Variants in PCSK5 observed in about 807,000 individuals in gnomAD.
PCSK5 encodes the protein proprotein convertase subtilisin/kexin type 5.
PCSK5 carries 129 observed loss-of-function variants against 233.2 expected under a neutral mutation model. That is an observed-to-expected ratio of 0.55 (90% confidence interval 0.48 to 0.64). The LOEUF (loss-of-function observed/expected upper bound fraction) is 0.64, where lower values mean the gene tolerates loss of function less well. PCSK5 is among the 30% of genes least tolerant of loss of function. The probability of loss-of-function intolerance (pLI) is 0.00; values close to 1 mark genes in which losing one functional copy is unlikely to be tolerated. For synonymous variants in PCSK5, 825 were observed against 879.2 expected, an observed-to-expected ratio of 0.94 and a Z score of 1.09; for missense variants, 2,076 against 2,430.1, an observed-to-expected ratio of 0.85 and a Z score of 3.06.
At position 76,239,459 on chromosome 9, in the gene PCSK5, C is replaced by T. The variant is rs528614332; in HGVS notation, c.3073+294C>T. ...CCTGTAATCCCAGCACTTTGGGAGG[C>T]TGAGGCAGGTGGATCACTTGAGGCC... On this transcript the variant is annotated intron_variant, in intron 23 of 37. Coordinates refer to ENST00000674117, the MANE Select transcript of PCSK5 (RefSeq NM_001372043.1). Among the ~76,000 whole-genome samples, 6 of 152,192 alleles carry T rather than the reference C, an allele frequency of 3.9e-5. No individual in the cohort carries two copies. The South Asian group carries it at 1.0e-3, about 26-fold the overall frequency.
intron 5 of PCSK5, among the ~76,000 whole-genome samples, chr9:76,038,370 A>C (rs927651901): frequency 6.6e-6 from 1 of 152,170 alleles, no homozygotes; most frequent in African/African-American, 2.4e-5. Context: ...GGACCCGTTC[A>C]TTTTAGTTTA....
chr9:76,278,513 C>G (rs1208535286), intron 24 of PCSK5, among the ~76,000 whole-genome samples: 1 of 151,914 alleles, frequency 6.6e-6, no homozygotes, highest in African/African-American at 2.4e-5. Flanking sequence ...ATGTCTAGAA[C>G]TCAGGACCTG....
intron 20 of PCSK5, among the ~76,000 whole-genome samples, chr9:76,190,430 T>G (rs1824315811): frequency 6.6e-6 from 1 of 152,136 alleles, no homozygotes; most frequent in African/African-American, 2.4e-5. Context: ...TAATTATTGT[T>G]GTATTTCTTT....
At chr9:76,111,498 AAG>A (rs989721059) in intron 9 of PCSK5, among the ~76,000 whole-genome samples, 1 of 152,228 alleles carries the variant, frequency 6.6e-6, no homozygotes, top group Non-Finnish European at 1.5e-5. Flanking sequence ...TTAATCTTAA[AAG>A]AGAGGGGAGA....
chr9:75,949,350 G>GT (rs1293989118), intron 2 of PCSK5, among the ~76,000 whole-genome samples: 1 of 151,696 alleles, frequency 6.6e-6, no homozygotes, highest in African/African-American at 2.4e-5. Flanking sequence ...GATTTAAGGT[G>GT]TAAGGACTGA....
At chr9:76,064,199 C>A (rs1830165843) in intron 5 of PCSK5, among the ~76,000 whole-genome samples, 1 of 120,552 alleles carries the variant, frequency 8.3e-6, no homozygotes, top group Non-Finnish European at 1.7e-5. Flanking sequence ...CCCCCCACCT[C>A]CCTCCCGGAC....
At chr9:76,021,478 G>A (rs1045050652) in intron 3 of PCSK5, among the ~76,000 whole-genome samples, 1 of 152,102 alleles carries the variant, frequency 6.6e-6, no homozygotes, top group Admixed American at 6.6e-5. Context: ...AAGGCACGAG[G>A]GAGAGAGAAT....
chr9:75,950,366 AC>A (rs1375181861), intron 2 of PCSK5, among the ~76,000 whole-genome samples: 1 of 152,126 alleles, frequency 6.6e-6, no homozygotes, highest in Admixed American at 6.5e-5. Flanking sequence ...ATTGAACCTC[AC>A]ATTTTTTCAA....
At chr9:76,212,521 T>C (rs751534026) in intron 20 of PCSK5, among the ~76,000 whole-genome samples, 20 of 152,230 alleles carry the variant, frequency 1.3e-4, no homozygotes, top group Non-Finnish European at 2.1e-4. Flanking sequence ...AAACGCACAG[T>C]GCTACGCCAG....
intron 30 of PCSK5, among the ~76,000 whole-genome samples, chr9:76,320,725 C>A (rs1281923160): frequency 6.6e-6 from 1 of 151,898 alleles, no homozygotes; most frequent in Non-Finnish European, 1.5e-5. Context: ...CCACCCACCT[C>A]AGCCTCCCAG....
At chr9:76,009,707 T>C (rs1035231920) in intron 3 of PCSK5, among the ~76,000 whole-genome samples, 3 of 151,940 alleles carry the variant, frequency 2.0e-5, no homozygotes, top group African/African-American at 4.8e-5. Flanking sequence ...TATTTATATA[T>C]GAGAGATCAT....
intron 29 of PCSK5, among the ~76,000 whole-genome samples, 166 bp downstream of exon 29, chr9:76,308,894 C>G (rs1828782809): frequency 6.6e-6 from 1 of 152,062 alleles, no homozygotes; most frequent in Non-Finnish European, 1.5e-5. Flanking sequence ...CAAACATTGA[C>G]CAATAATAAA....
At position 76,070,059 on chromosome 9, in the gene PCSK5, G is replaced by T. The variant is rs140650865; in HGVS notation, c.722-1667G>T. ...TCTGTCACCCAGGCTGGAGTGCAGT[G>T]GCATGATCTCGGCTCACTGCAAGCT... On this transcript the variant is annotated intron_variant, in intron 6 of 37. Coordinates refer to ENST00000674117, the MANE Select transcript of PCSK5 (RefSeq NM_001372043.1). Among the ~76,000 whole-genome samples the T allele has an allele frequency of 7.0e-3, 1,043 of 148,146 alleles. 10 individuals carry two copies. The highest frequency in any genetic ancestry group is 0.024 in the African/African-American group (968 of 39,976).
At position 76,159,106 on chromosome 9, in the gene PCSK5, G is replaced by A; in HGVS notation, c.1554G>A (p.Arg518=). ...VVVRITITHP[R]RGDLAIYLTS... ...TGCGCATCACCATCACCCACCCCAG[G>A]AGAGGAGACCTGGCCATCTACCTGA... The change falls in exon 12 of 38, where the codon AGG becomes AGA. Residue 518 remains arginine, a synonymous_variant. Coordinates refer to ENST00000674117, the MANE Select transcript of PCSK5 (RefSeq NM_001372043.1). 1.2e-6 allele frequency: 2 copies of A among 1,614,142 alleles called. No homozygotes were observed. Among genetic ancestry groups the A allele is most frequent in the Non-Finnish European group, 1.7e-6 (2 of 1,180,012 alleles).
intron 7 of PCSK5, among the ~76,000 whole-genome samples, chr9:76,088,208 C>T (rs1223502835): frequency 6.6e-6 from 1 of 152,212 alleles, no homozygotes; most frequent in African/African-American, 2.4e-5. Flanking sequence ...AGGAACTGGG[C>T]TGCTGGAAGT....
intron 20 of PCSK5, among the ~76,000 whole-genome samples, chr9:76,205,862 G>A (rs1004902221): frequency 1.3e-4 from 20 of 152,240 alleles, no homozygotes; most frequent in African/African-American, 4.6e-4. Flanking sequence ...CCTCTACCAA[G>A]AGGACATACA....
chr9:76,347,391 C>G (rs1337689743), intron 35 of PCSK5, among the ~76,000 whole-genome samples: 1 of 152,160 alleles, frequency 6.6e-6, no homozygotes, highest in East Asian at 1.9e-4. Context: ...GGGTGTTAAA[C>G]TTTAAAATAA....
intron 1 of PCSK5, among the ~76,000 whole-genome samples, chr9:75,916,595 AAG>A (rs1204648591): frequency 6.6e-6 from 1 of 152,088 alleles, no homozygotes; most frequent in Non-Finnish European, 1.5e-5. Flanking sequence ...AGTAAGAGGC[AAG>A]AGATTGAAAA....
intron 20 of PCSK5, among the ~76,000 whole-genome samples, chr9:76,189,962 A>AT (rs1373091856): frequency 6.6e-6 from 1 of 152,220 alleles, no homozygotes. Flanking sequence ...ACTGGCCAAT[A>AT]TGGCTCAAGT....
Sources: allele counts gnomAD v4.1 joint callset (sites outside exome capture counted in the v4.1 genomes callset), GRCh38; gene constraint gnomAD v4.1.1; transcripts MANE v1.5; gene names NCBI Gene and HGNC (gene_info 2026-07-23, HGNC 2026-07-21).